Variants in ELMO1 observed in about 807,000 individuals in gnomAD.
ELMO1 encodes the protein engulfment and cell motility protein 1.
ELMO1 carries 26 observed loss-of-function variants against 98.9 expected under a neutral mutation model. That is an observed-to-expected ratio of 0.26 (90% confidence interval 0.19 to 0.36). The LOEUF (loss-of-function observed/expected upper bound fraction) is 0.36. Ranked by LOEUF, ELMO1 falls within the 10% of genes least tolerant of loss-of-function variation. The probability of loss-of-function intolerance (pLI) is 1.00; values close to 1 mark genes in which losing one functional copy is unlikely to be tolerated. For missense variants in ELMO1, 627 were observed against 935.2 expected (o/e 0.67, Z 4.30); for synonymous variants, 346 against 346.0 (o/e 1.00, Z 0.00).
intron 6 of ELMO1, among the ~76,000 whole-genome samples, chr7:37,250,420 C>T (rs1039833237): frequency 1.3e-5 from 2 of 152,060 alleles, no homozygotes; most frequent in African/African-American, 4.8e-5. Flanking sequence ...TAAAAATAGT[C>T]GTCTGTGGAA....
chr7:37,435,105 G>A (rs990236967), intron 1 of ELMO1: 1 of 152,242 alleles, frequency 6.6e-6, no homozygotes, highest in African/African-American at 2.4e-5. Context: ...ATTAACAAAT[G>A]AATATTTCCG....
intron 15 of ELMO1, among the ~76,000 whole-genome samples, chr7:37,026,486 A>G (rs568703451): frequency 6.6e-6 from 1 of 152,246 alleles, no homozygotes; most frequent in South Asian, 2.1e-4. Context: ...TTCAAAAGTC[A>G]TTACCTTGTA....
At chr7:37,149,888 G>T (rs371926416) in intron 13 of ELMO1, among the ~76,000 whole-genome samples, 2 of 152,046 alleles carry the variant, frequency 1.3e-5, no homozygotes, top group Non-Finnish European at 2.9e-5. Context: ...TTAATGTTTT[G>T]TTCCCCTGGA....
At chr7:37,380,242 CT>C (rs1448432715) in intron 1 of ELMO1, among the ~76,000 whole-genome samples, 1 of 152,158 alleles carries the variant, frequency 6.6e-6, no homozygotes, top group Admixed American at 6.5e-5. Flanking sequence ...ATCCTGGTGG[CT>C]TTTTGAATGA....
At position 37,237,305 on chromosome 7, in the gene ELMO1, T is replaced by A. The variant is rs374510452; in HGVS notation, c.450-4111A>T. Among the ~76,000 whole-genome samples the A allele has an allele frequency of 5.9e-5, 9 of 152,212 alleles. No homozygotes were observed. The South Asian group carries it at 6.2e-4, about 11-fold the overall frequency. On this transcript the variant is annotated intron_variant, in intron 7 of 21. Coordinates refer to ENST00000310758, the MANE Select transcript of ELMO1 (RefSeq NM_014800.11). ...CAGAATTTTATTTATTTATTTATTT[T>A]TTTAGACAGAGTCTCACTCTTTTGC...
chr7:37,064,846 T>C (rs1796870711), intron 15 of ELMO1, among the ~76,000 whole-genome samples: 1 of 152,254 alleles, frequency 6.6e-6, no homozygotes, highest in Admixed American at 6.5e-5. Context: ...TCAGATATGC[T>C]CAGCAGTATG....
chr7:37,242,973 T>C (rs2130699206), intron 7 of ELMO1, among the ~76,000 whole-genome samples: 1 of 152,336 alleles, frequency 6.6e-6, no homozygotes, highest in East Asian at 1.9e-4. Flanking sequence ...ACCTTCTGCC[T>C]GTTTTGGGTT....
chr7:37,258,392 G>A (rs957693190), intron 6 of ELMO1, among the ~76,000 whole-genome samples: 1 of 152,062 alleles, frequency 6.6e-6, no homozygotes, highest in African/African-American at 2.4e-5. Context: ...AGTGAACAGC[G>A]ATTGCACCAC....
At chr7:37,244,515 A>T in intron 6 of ELMO1, 124 bp from the exon 7 acceptor site, 6 of 927,772 alleles carry the variant, frequency 6.5e-6, no homozygotes, top group Non-Finnish European at 9.9e-6. Context: ...ATGAAGTAAA[A>T]GAATTTTATC....
At chr7:37,166,205 T>C (rs991660513) in intron 13 of ELMO1, among the ~76,000 whole-genome samples, 3 of 152,212 alleles carry the variant, frequency 2.0e-5, no homozygotes, top group Admixed American at 6.5e-5. Context: ...CATTTTTTAT[T>C]GCGTCTATTT....
At chr7:37,272,682 A>C (rs76999686) in intron 4 of ELMO1, among the ~76,000 whole-genome samples, 1 of 125,500 alleles carries the variant, frequency 8.0e-6, no homozygotes, top group African/African-American at 3.2e-5. Flanking sequence ...TCTTAAAGGA[A>C]AAAAAAAAAA....
chr7:36,883,522 C>G (rs747992454), intron 18 of ELMO1, among the ~76,000 whole-genome samples: 2 of 152,224 alleles, frequency 1.3e-5, no homozygotes, highest in Admixed American at 1.3e-4. Flanking sequence ...AATGTTTTAG[C>G]GCCATCCTCC....
At chr7:37,126,823 T>C (rs979395191) in intron 14 of ELMO1, among the ~76,000 whole-genome samples, 5 of 152,234 alleles carry the variant, frequency 3.3e-5, no homozygotes, top group African/African-American at 9.6e-5. Context: ...AGTCAATGAA[T>C]GAATGAATGA....
intron 11 of ELMO1, among the ~76,000 whole-genome samples, chr7:37,215,992 CT>C (rs56397617): frequency 0.27 from 39,137 of 145,028 alleles, 5,401 homozygotes; most frequent in African/African-American, 0.41. Flanking sequence ...TCCTCTTTTC[CT>C]TTTTTTTTTT....
chr7:37,060,088 T>A (rs1170126291), intron 15 of ELMO1, among the ~76,000 whole-genome samples: 1 of 152,222 alleles, frequency 6.6e-6, no homozygotes, highest in African/African-American at 2.4e-5. Flanking sequence ...AACAGTCCCA[T>A]GAGGTAAGAA....
intron 1 of ELMO1, among the ~76,000 whole-genome samples, chr7:37,380,322 T>C (rs1179482454): frequency 6.6e-6 from 1 of 152,246 alleles, no homozygotes; most frequent in African/African-American, 2.4e-5. Context: ...ATACACACCA[T>C]GCAGAAAGAG....
chr7:37,354,207 T>C (rs574562462), intron 1 of ELMO1, among the ~76,000 whole-genome samples: 16 of 152,338 alleles, frequency 1.1e-4, no homozygotes, highest in Admixed American at 3.3e-4. Context: ...TCAGACAGCA[T>C]GGTAAAGAGC....
At chr7:36,876,440 T>G (rs1240393268) in intron 19 of ELMO1, among the ~76,000 whole-genome samples, 2 of 152,144 alleles carry the variant, frequency 1.3e-5, no homozygotes, top group Non-Finnish European at 2.9e-5. Flanking sequence ...AACATGCTAT[T>G]AATTTACTTA....
intron 2 of ELMO1, among the ~76,000 whole-genome samples, chr7:37,341,026 G>T (rs139603950): frequency 1.3e-5 from 2 of 152,228 alleles, no homozygotes; most frequent in Admixed American, 1.3e-4. Flanking sequence ...AGCTCAGCAC[G>T]TCTCAGATTG....
Sources: allele counts gnomAD v4.1 joint callset (sites outside exome capture counted in the v4.1 genomes callset), GRCh38; gene constraint gnomAD v4.1.1; transcripts MANE v1.5; gene names NCBI Gene and HGNC (gene_info 2026-07-23, HGNC 2026-07-21).